Variants in GRID1 observed in about 807,000 individuals in gnomAD.
The protein encoded by GRID1 is glutamate ionotropic receptor delta type subunit 1.
Under a neutral mutation model 98.0 loss-of-function variants are expected in GRID1, and 28 were observed. That is an observed-to-expected ratio of 0.29 (90% CI 0.21 to 0.39). GRID1 has a LOEUF of 0.39. Among genes scored for constraint, GRID1 ranks in the 10% least tolerant of loss-of-function variants. The pLI, the probability that GRID1 is intolerant of heterozygous loss-of-function variation, is 1.00. For synonymous variants in GRID1, 553 were observed against 538.5 expected (o/e 1.03, Z -0.37); for missense variants, 1,111 against 1,340.5 (o/e 0.83, Z 2.67).
At chr10:86,351,819 G>A (rs1419560725) in intron 2 of GRID1, among the ~76,000 whole-genome samples, 1 of 152,224 alleles carries the variant, frequency 6.6e-6, no homozygotes, top group Non-Finnish European at 1.5e-5. Flanking sequence ...AACTGTAGCT[G>A]TTCTTTACTG....
At chr10:86,068,442 T>C (rs1019554635) in intron 4 of GRID1, among the ~76,000 whole-genome samples, 1 of 152,176 alleles carries the variant, frequency 6.6e-6, no homozygotes, top group Non-Finnish European at 1.5e-5. Flanking sequence ...TTCCTCGCCA[T>C]CCCCAAATAG....
chr10:86,360,515 A>G (rs1240497089), intron 2 of GRID1, among the ~76,000 whole-genome samples: 19 of 152,206 alleles, frequency 1.2e-4, no homozygotes, highest in Admixed American at 1.2e-3. Flanking sequence ...ATAATCAGGG[A>G]AAAAAGTAAG....
intron 4 of GRID1, among the ~76,000 whole-genome samples, chr10:85,930,736 C>T (rs1014535190): frequency 6.6e-6 from 1 of 151,824 alleles, no homozygotes; most frequent in Non-Finnish European, 1.5e-5. Context: ...ATTTTTTTAA[C>T]TTTGCTATCA....
chr10:86,123,670 G>C (rs1328822808), intron 4 of GRID1, among the ~76,000 whole-genome samples: 1 of 152,188 alleles, frequency 6.6e-6, no homozygotes, highest in Non-Finnish European at 1.5e-5. Flanking sequence ...TGTTGCTTTT[G>C]CTGCTTCTCC....
intron 2 of GRID1, among the ~76,000 whole-genome samples, chr10:86,293,710 C>T (rs939942743): frequency 1.3e-5 from 2 of 152,062 alleles, no homozygotes; most frequent in South Asian, 2.1e-4. Context: ...CAGACTCAAA[C>T]GATAGGGAGG....
At chr10:86,234,378 T>A (rs1771438276) in intron 2 of GRID1, among the ~76,000 whole-genome samples, 1 of 152,150 alleles carries the variant, frequency 6.6e-6, no homozygotes, top group Non-Finnish European at 1.5e-5. Flanking sequence ...GCCAAAAGAA[T>A]GAAAGCCAAA....
chr10:86,337,078 C>G (rs1564742421), intron 2 of GRID1, among the ~76,000 whole-genome samples: 2 of 151,832 alleles, frequency 1.3e-5, no homozygotes, highest in African/African-American at 2.4e-5. Context: ...GTCTCGATCT[C>G]CTGACCTCGT....
At chr10:85,743,778 A>G (rs1841972651) in intron 8 of GRID1, among the ~76,000 whole-genome samples, 1 of 152,186 alleles carries the variant, frequency 6.6e-6, no homozygotes, top group African/African-American at 2.4e-5. Flanking sequence ...ATGCAGTAAT[A>G]TGGAAAGTAG....
chr10:86,166,088 G>A (rs1021741970), intron 3 of GRID1, among the ~76,000 whole-genome samples: 1 of 152,152 alleles, frequency 6.6e-6, no homozygotes, highest in East Asian at 1.9e-4. Context: ...GTTGTTCTCA[G>A]CGGTTCTTTA....
chr10:86,135,333 A>G (rs1355246383), intron 4 of GRID1, among the ~76,000 whole-genome samples: 11 of 152,198 alleles, frequency 7.2e-5, no homozygotes, highest in Admixed American at 7.2e-4. Flanking sequence ...GAGGGCTCCA[A>G]GGTCAAGCTC....
At chr10:85,691,358 C>T (rs1308968016) in intron 12 of GRID1, among the ~76,000 whole-genome samples, 1 of 152,166 alleles carries the variant, frequency 6.6e-6, no homozygotes, top group African/African-American at 2.4e-5. Flanking sequence ...TTTACACACA[C>T]TTTTGAGTGA....
At chr10:85,898,049 T>C (rs1041109651) in intron 5 of GRID1, among the ~76,000 whole-genome samples, 1 of 152,182 alleles carries the variant, frequency 6.6e-6, no homozygotes, top group East Asian at 1.9e-4. Flanking sequence ...AGAGGGTACT[T>C]ACACAGACCT....
chr10:85,971,507 A>AC (rs1364180774), intron 4 of GRID1, among the ~76,000 whole-genome samples: 3 of 152,080 alleles, frequency 2.0e-5, no homozygotes, highest in Admixed American at 6.6e-5. Flanking sequence ...AAGTCCAACA[A>AC]CCCAATTGAA....
intron 13 of GRID1, among the ~76,000 whole-genome samples, chr10:85,627,143 G>A (rs1437906448): frequency 1.3e-5 from 2 of 152,254 alleles, no homozygotes; most frequent in East Asian, 3.9e-4. Flanking sequence ...ATTGTTAAGG[G>A]AAATTTCCAT....
chr10:85,897,243 C>A (rs937689343), intron 5 of GRID1, among the ~76,000 whole-genome samples: 1 of 152,066 alleles, frequency 6.6e-6, no homozygotes, highest in Non-Finnish European at 1.5e-5. Flanking sequence ...ATACACACAC[C>A]CAGACACACC....
At chr10:85,909,153 C>T (rs540470240) in intron 5 of GRID1, among the ~76,000 whole-genome samples, 1 of 152,192 alleles carries the variant, frequency 6.6e-6, no homozygotes, top group East Asian at 1.9e-4. Flanking sequence ...CAAGAAGATA[C>T]CTAGATCTAA....
intron 12 of GRID1, among the ~76,000 whole-genome samples, chr10:85,715,134 G>A (rs1202610628): frequency 6.6e-6 from 1 of 152,072 alleles, no homozygotes; most frequent in Non-Finnish European, 1.5e-5. Flanking sequence ...ACACACAATG[G>A]GGAAGACAGT....
intron 8 of GRID1, among the ~76,000 whole-genome samples, chr10:85,743,116 C>CCCG (rs1554828608): frequency 3.7e-5 from 5 of 134,640 alleles, no homozygotes; most frequent in Non-Finnish European, 8.1e-5. Context: ...CCCCCCCCCC[C>CCCG]ACCACCCATT....
chr10:85,754,848 G>T (rs1266725794), intron 8 of GRID1, among the ~76,000 whole-genome samples: 1 of 152,130 alleles, frequency 6.6e-6, no homozygotes, highest in Admixed American at 6.5e-5. Context: ...CAAAATAATG[G>T]AATTAATGCC....
Sources: allele counts gnomAD v4.1 joint callset (sites outside exome capture counted in the v4.1 genomes callset), GRCh38; gene constraint gnomAD v4.1.1; transcripts MANE v1.5; gene names NCBI Gene and HGNC (gene_info 2026-07-23, HGNC 2026-07-21).